The following KNOP1 variants were observed in gnomAD, a reference collection of about 807,000 sequenced individuals.
The protein encoded by KNOP1 is lysine-rich nucleolar protein 1.
Under a neutral mutation model 30.6 loss-of-function variants are expected in KNOP1, and 20 were observed. The ratio of observed to expected loss-of-function variants is 0.65; its 90% confidence interval spans 0.46 to 0.95. The LOEUF is 0.95. Among genes scored for constraint, KNOP1 ranks in the 40% least tolerant of loss-of-function variants. KNOP1 has a pLI of 0.00. For synonymous variants in KNOP1, 204 were observed against 210.0 expected (o/e 0.97, Z 0.25); for missense variants, 540 against 562.0 (o/e 0.96, Z 0.40).
rs1459940796 is a variant in KNOP1, at chr16:19,705,144, C to A, written c.*1766G>T. On this transcript the variant is annotated 3_prime_UTR_variant, in exon 5 of 5. Transcript: ENST00000219837. ...CTTGATATGCTGCCTGGAACTGTTA[C>A]TGCCATCTTTGTACTAGCCTTGATG... 1 of 456,002 alleles carries A rather than the reference C, an allele frequency of 2.2e-6. No homozygotes were observed. The highest frequency in any genetic ancestry group is 2.3e-5 in the Admixed American group (1 of 42,566). The allele number at this position is 456,002 out of a possible 1,614,324, so 28.2% of individuals were successfully genotyped here.
chr16:19,710,189 C>T, intron 4 of KNOP1: 1 of 410,244 alleles, frequency 2.4e-6, no homozygotes, highest in Non-Finnish European at 4.6e-6. Flanking sequence ...AGGCATCGTC[C>T]ACCACTGGCA....
chr16:19,706,186 C>T lies in KNOP1; in HGVS notation c.*724G>A, dbSNP rs535213418. The T allele has an allele frequency of 6.6e-6, 1 of 152,602 alleles. No individual in the cohort carries two copies. The highest frequency in any genetic ancestry group is 2.4e-5 in the African/African-American group (1 of 41,588). 9.5% of individuals were successfully genotyped at this position (152,602 alleles called of 1,614,324 possible). A position where few individuals can be genotyped will look rare whatever the true frequency, so the allele number is the denominator to read the frequency against. On this transcript the variant is annotated 3_prime_UTR_variant, in exon 5 of 5. Coordinates refer to ENST00000219837, the MANE Select transcript of KNOP1 (RefSeq NM_001012991.3). ...AGTTTGCGATTCTCCGTTCCTCATT[C>T]ACTCCACTTTTTATCAGAGATGCAG...
chr16:19,711,632 G>A (rs745355911), intron 2 of KNOP1, among the ~76,000 whole-genome samples, 192 bp from the exon 3 acceptor site: 5 of 152,018 alleles, frequency 3.3e-5, no homozygotes, highest in African/African-American at 1.2e-4. Flanking sequence ...CAATTCTCCC[G>A]CAAAACAGTA....
intron 4 of KNOP1, among the ~76,000 whole-genome samples, chr16:19,708,584 C>T (rs1976543588): frequency 6.6e-6 from 1 of 152,116 alleles, no homozygotes; most frequent in African/African-American, 2.4e-5. Flanking sequence ...AGTGACTGGC[C>T]ACTCCTCTCC....
chr16:19,716,384 G>C (rs1182790625), intron 1 of KNOP1: 3 of 152,346 alleles, frequency 2.0e-5, no homozygotes, highest in Non-Finnish European at 4.4e-5. Context: ...TAAGGTCAGG[G>C]TGGTGGAGGT....
In KNOP1 at chr16:19,707,232, A is replaced by G; in HGVS notation, c.1066-11T>C. On this transcript the variant is annotated splice_polypyrimidine_tract_variant and intron_variant, in intron 4 of 4. Transcript: ENST00000219837. ...GCCAAACTGGGTTCCCTGTGAGGAG[A>G]GGAAAAAGGTGGCTATTTTCCTTGA... 1.2e-6 allele frequency: 2 copies of G among 1,604,266 alleles called. No homozygotes were observed. The highest frequency in any genetic ancestry group is 1.7e-6 in the Non-Finnish European group (2 of 1,177,992).
chr16:19,718,185 G>A lies in KNOP1; in HGVS notation c.-30C>T, dbSNP rs548898535. 6.7e-6 allele frequency: 10 copies of A among 1,494,502 alleles called. No individual in the cohort carries two copies. Among genetic ancestry groups the A allele is most frequent in the African/African-American group, 4.2e-5 (3 of 72,088 alleles). 92.6% of individuals were successfully genotyped at this position (1,494,502 alleles called of 1,614,324 possible). A position where few individuals can be genotyped will look rare whatever the true frequency, so the allele number is the denominator to read the frequency against. ...GTGGGCGAAATTTCCCCGCCTCCAC[G>A]TGAGAGCCAGCTCCGCCGTGACCCG... On this transcript the variant is annotated 5_prime_UTR_variant, in exon 1 of 5. In the 5' UTR this introduces an upstream ATG that the reference lacks. Coordinates refer to ENST00000219837, the MANE Select transcript of KNOP1 (RefSeq NM_001012991.3).
At chr16:19,715,095 C>T (rs1976956326) in intron 1 of KNOP1, 58 bp from the exon 2 acceptor site, 1 of 1,264,410 alleles carries the variant, frequency 7.9e-7, no homozygotes, top group Non-Finnish European at 1.1e-6. Context: ...TTCAATTCTA[C>T]TAAGCATTGC....
intron 1 of KNOP1, chr16:19,717,898 C>A (rs888229975): frequency 9.3e-7 from 1 of 1,074,868 alleles, no homozygotes; most frequent in Non-Finnish European, 1.1e-6. Context: ...AAGTAAGATC[C>A]GTACCTCCAA....
Position 19,707,205 on chromosome 16 carries a change from T to C in KNOP1, c.1082A>G (p.Gln361Arg), listed in dbSNP as rs1163678044. ...GTTCTCAAAACCAGCAGTATCCCAC[T>C]GGCCAAACTGGGTTCCCTGTGAGGA... is the stretch of plus-strand genomic sequence containing the variant. Reference protein sequence around the residue: ...TRKWTGTQFGQWDTAGFENED... With the variant: ...TRKWTGTQFGRWDTAGFENED... Residue 361 changes from glutamine (Q) to arginine (R), a missense_variant, in exon 5 of 5, where the codon CAG (glutamine) becomes CGG (arginine). Physicochemically the swap from Gln to Arg is conservative, Grantham distance 43. Coordinates refer to ENST00000219837, the MANE Select transcript of KNOP1 (RefSeq NM_001012991.3). 6.2e-7 allele frequency: 1 copy of C among 1,612,664 alleles called. No individual in the cohort carries two copies. The highest frequency in any genetic ancestry group is 1.3e-5 in the African/African-American group (1 of 74,834).
chr16:19,709,121 C>T (rs1040512430), intron 4 of KNOP1, among the ~76,000 whole-genome samples: 1 of 152,146 alleles, frequency 6.6e-6, no homozygotes, highest in Non-Finnish European at 1.5e-5. Context: ...GAAAGGGCAC[C>T]CCAAGGCAGG....
intron 1 of KNOP1, among the ~76,000 whole-genome samples, chr16:19,715,860 C>G (rs995636967): frequency 1.3e-5 from 2 of 152,138 alleles, no homozygotes; most frequent in African/African-American, 4.8e-5. Flanking sequence ...TCCTCAATAC[C>G]CATCAGTGTC....
rs1976922525 is a variant in KNOP1, at chr16:19,714,772, C to A, written c.264G>T (p.Leu88=). Residue 88 remains leucine (L), a synonymous_variant, in exon 2 of 5, where the codon CTG becomes CTT. Transcript: ENST00000219837. ...GTGACTTCTCTGTCCGTCTAGCAGG[C>A]AGCGTGGTCTCAGGTTCTACATGCT... ...CEEHVEPETT[L]PARRTEKSPS... is the part of the protein sequence containing the mutation. 5 of 1,614,102 alleles carry A rather than the reference C, an allele frequency of 3.1e-6. No homozygotes were observed. Among genetic ancestry groups the A allele is most frequent in the Non-Finnish European group, 4.2e-6 (5 of 1,180,046 alleles).
intron 1 of KNOP1, chr16:19,716,353 T>A (rs966990089): frequency 2.6e-5 from 4 of 152,064 alleles, no homozygotes; most frequent in Admixed American, 6.6e-5. Context: ...ATGATACAGG[T>A]GATAAAAGCA....
At chr16:19,708,569 C>A (rs554393045) in intron 4 of KNOP1, among the ~76,000 whole-genome samples, 2 of 152,172 alleles carry the variant, frequency 1.3e-5, no homozygotes, top group African/African-American at 4.8e-5. Context: ...ACACCTCAAG[C>A]CCTCAGTGAC....
chr16:19,713,003 C>T (rs1426360675), intron 2 of KNOP1, among the ~76,000 whole-genome samples: 1 of 152,184 alleles, frequency 6.6e-6, no homozygotes, highest in East Asian at 1.9e-4. Flanking sequence ...TCCTTCCCTC[C>T]TGGTAACAGA....
chr16:19,710,406 G>A (rs1187384859), intron 4 of KNOP1, 103 bp downstream of exon 4: 4 of 1,129,220 alleles, frequency 3.5e-6, no homozygotes, highest in Non-Finnish European at 5.4e-6. Flanking sequence ...CTGGGGCCTG[G>A]ACATACTTGG....
rs764622701 is a variant in KNOP1 at position 19,706,987 on chromosome 16, G to GGCCGGCTCCCCGGCTGTACT, written c.1280_1299dup (p.Leu434SerfsTer35). On this transcript the variant is annotated frameshift_variant, in exon 5 of 5. Coordinates refer to ENST00000219837, the MANE Select transcript of KNOP1 (RefSeq NM_001012991.3). LOFTEE classifies it high-confidence loss of function. ...TTGTTGGGGGCGGTGGAGAAGCCGA[G>GGCCGGCTCCCCGGCTGTACT]GCCGGCTCCCCGGCTGTACTTCCAG... The GGCCGGCTCCCCGGCTGTACT allele has an allele frequency of 6.2e-7, 1 of 1,613,806 alleles. No homozygotes were observed. The highest frequency in any genetic ancestry group is 8.5e-7 in the Non-Finnish European group (1 of 1,180,054).
chr16:19,715,010 T>C lies in KNOP1; in HGVS notation c.26A>G (p.Asp9Gly). The change falls in exon 2 of 5, where the codon GAC becomes GGC. Residue 9 changes from aspartate (D) to glycine (G), a missense_variant. Coordinates refer to ENST00000219837, the MANE Select transcript of KNOP1 (RefSeq NM_001012991.3). MITKTHKV[D>G]LGLPEKKKKK... ...CTTTTTCTTCTCTGGGAGCCCAAGG[T>C]CTACTTTGTGTGTCTTGGTGATCAT... 1 of 1,579,372 alleles carries C rather than the reference T, an allele frequency of 6.3e-7. No individual in the cohort carries two copies. The highest frequency in any genetic ancestry group is 8.6e-7 in the Non-Finnish European group (1 of 1,167,776).
Sources: gnomAD v4.1 joint callset for allele counts (sites outside exome capture counted in the v4.1 genomes callset) on GRCh38, gnomAD v4.1.1 for gene constraint, MANE v1.5 for transcripts, NCBI Gene and HGNC (gene_info 2026-07-23, HGNC 2026-07-21) for gene names.